TRPC4: variants seen among roughly 807,000 people sequenced by gnomAD.
TRPC4 encodes the protein transient receptor potential cation channel subfamily C member 4.
A neutral mutation model predicts 99.4 loss-of-function variants in TRPC4; 49 were observed. The ratio of observed to expected loss-of-function variants is 0.49; its 90% CI spans 0.39 to 0.63. The LOEUF is 0.63. TRPC4 is among the 20% of genes least tolerant of loss of function. The probability of loss-of-function intolerance (pLI) is 0.00; values close to 1 mark genes in which losing one functional copy is unlikely to be tolerated. For synonymous variants in TRPC4, 454 were observed against 425.9 expected, an observed-to-expected ratio of 1.07 and a Z score of -0.81; for missense variants, 898 against 1,152.9, an observed-to-expected ratio of 0.78 and a Z score of 3.20.
intron 3 of TRPC4, among the ~76,000 whole-genome samples, chr13:37,694,268 G>A (rs1953836134): frequency 1.3e-5 from 2 of 152,244 alleles, no homozygotes; most frequent in South Asian, 4.1e-4. Context: ...GATATAACAA[G>A]CAGTTGCCAT....
chr13:37,695,430 C>A (rs1275439891), intron 3 of TRPC4, among the ~76,000 whole-genome samples: 1 of 152,164 alleles, frequency 6.6e-6, no homozygotes, highest in Non-Finnish European at 1.5e-5. Context: ...CTACAGCCCC[C>A]CTCCTACTCC....
intron 8 of TRPC4, among the ~76,000 whole-genome samples, chr13:37,650,818 G>A (rs1220607314): frequency 1.6e-5 from 2 of 128,416 alleles, no homozygotes; most frequent in African/African-American, 6.2e-5. Flanking sequence ...CTTTGTGCAG[G>A]GACTTTGTTA....
intron 3 of TRPC4, among the ~76,000 whole-genome samples, chr13:37,731,497 T>A (rs1955238512): frequency 1.3e-5 from 2 of 151,892 alleles, no homozygotes; most frequent in African/African-American, 4.8e-5. Context: ...ACCAAAATGA[T>A]AAAAGATGAA....
intron 1 of TRPC4, among the ~76,000 whole-genome samples, chr13:37,823,177 T>C (rs1396517087): frequency 6.7e-6 from 1 of 149,252 alleles, no homozygotes; most frequent in Non-Finnish European, 1.5e-5. Flanking sequence ...ATTAGCCCTT[T>C]GTCAGATGAG....
chr13:37,796,944 T>C (rs1162656485), intron 1 of TRPC4, among the ~76,000 whole-genome samples: 1 of 135,214 alleles, frequency 7.4e-6, no homozygotes, highest in Non-Finnish European at 1.6e-5. Context: ...TAAAATAAAA[T>C]AAAATAAAAT....
intron 3 of TRPC4, among the ~76,000 whole-genome samples, chr13:37,730,642 G>C (rs1412053271): frequency 2.0e-5 from 3 of 151,706 alleles, no homozygotes; most frequent in Non-Finnish European, 4.4e-5. Context: ...AAGTTGGTAG[G>C]CAACCTTGAT....
In TRPC4 at chr13:37,648,266, C is replaced by T. The variant is rs139829566; in HGVS notation, c.2079+2999G>A. On this transcript the variant is annotated intron_variant, in intron 8 of 10. Coordinates refer to ENST00000379705, the MANE Select transcript of TRPC4 (RefSeq NM_016179.4). ...TTTCTTATACTTTTATAAGCAAGAA[C>T]TTCCTTATAAATTATACCTATCATT... is the stretch of plus-strand genomic sequence containing the variant. 2.8e-3 allele frequency among the ~76,000 whole-genome samples: 430 copies of T among 152,218 alleles called. 2 individuals carry two copies. The highest frequency in any genetic ancestry group is 4.5e-3 in the Non-Finnish European group (303 of 68,008).
intron 3 of TRPC4, among the ~76,000 whole-genome samples, chr13:37,723,130 T>C: frequency 6.6e-6 from 1 of 152,160 alleles, no homozygotes; most frequent in South Asian, 2.1e-4. Context: ...CATGGGGAAA[T>C]ATAGGAGAAC....
At position 37,639,035 on chromosome 13, in the gene TRPC4, G is replaced by A; in HGVS notation, c.2211+5C>T. 6.2e-7 allele frequency: 1 copy of A among 1,613,304 alleles called. No individual in the cohort carries two copies. The highest frequency in any genetic ancestry group is 8.5e-7 in the Non-Finnish European group (1 of 1,179,394). On this transcript the variant is annotated splice_donor_5th_base_variant and intron_variant, in intron 10 of 10. Transcript: ENST00000379705. ...GCCTCTTGTGATGAAGATGAAAATG[G>A]TTACCTTAAAGTTCTCTTCGGTCAG... is the stretch of plus-strand genomic sequence containing the variant.
At chr13:37,639,018 T>A in intron 10 of TRPC4, 22 bp downstream of exon 10, 1 of 1,610,494 alleles carries the variant, frequency 6.2e-7, no homozygotes, top group Non-Finnish European at 8.5e-7. Flanking sequence ...CTGCCTCTTG[T>A]GATGAAGATG....
intron 7 of TRPC4, among the ~76,000 whole-genome samples, chr13:37,653,019 C>T (rs1375937414): frequency 1.3e-5 from 2 of 152,082 alleles, no homozygotes; most frequent in African/African-American, 4.8e-5. Context: ...CTTAAGAATC[C>T]TCTCTCCTTA....
At chr13:37,641,894 C>A (rs1262014581) in intron 8 of TRPC4, among the ~76,000 whole-genome samples, 1 of 152,126 alleles carries the variant, frequency 6.6e-6, no homozygotes, top group Admixed American at 6.5e-5. Flanking sequence ...GTCCTCTTTG[C>A]ATTTTTTTCC....
chr13:37,855,019 T>A (rs1310885731), intron 1 of TRPC4: 1 of 151,780 alleles, frequency 6.6e-6, no homozygotes, highest in Non-Finnish European at 1.5e-5. Flanking sequence ...TAGAATAAGC[T>A]TTTCAATCAA....
chr13:37,680,713 T>C (rs1953208592), intron 4 of TRPC4, among the ~76,000 whole-genome samples: 1 of 152,114 alleles, frequency 6.6e-6, no homozygotes, highest in Non-Finnish European at 1.5e-5. Context: ...TTAGAGTTGC[T>C]CTAAAACTGG....
At chr13:37,836,973 C>T (rs1232504613) in intron 1 of TRPC4, among the ~76,000 whole-genome samples, 1 of 152,174 alleles carries the variant, frequency 6.6e-6, no homozygotes, top group Non-Finnish European at 1.5e-5. Flanking sequence ...ACTTTAGTTC[C>T]AGCCACTCCA....
At chr13:37,762,922 T>C (rs1166526534) in intron 2 of TRPC4, among the ~76,000 whole-genome samples, 3 of 151,592 alleles carry the variant, frequency 2.0e-5, no homozygotes, top group Non-Finnish European at 4.4e-5. Flanking sequence ...CAAAAGGGGT[T>C]ATAAAGGATT....
intron 3 of TRPC4, among the ~76,000 whole-genome samples, chr13:37,723,758 T>C (rs1388534724): frequency 1.3e-5 from 2 of 152,138 alleles, no homozygotes; most frequent in East Asian, 3.9e-4. Flanking sequence ...TCTTGCTGTG[T>C]TGCCCAGGCT....
Position 37,635,734 on chromosome 13 carries a change from T to C in TRPC4, c.*1169A>G, listed in dbSNP as rs1001604451. On this transcript the variant is annotated 3_prime_UTR_variant, in exon 11 of 11. Transcript: ENST00000379705. ...TTATGTAAGTTGCGAACACTTTCCT[T>C]GTAATAGTTCAGTGAATTGTTATAA... Among the ~76,000 whole-genome samples, 6 of 152,130 alleles carry C rather than the reference T, an allele frequency of 3.9e-5. No individual in the cohort carries two copies. The highest frequency in any genetic ancestry group is 1.2e-4 in the African/African-American group (5 of 41,440).
intron 1 of TRPC4, among the ~76,000 whole-genome samples, chr13:37,868,825 T>C (rs931719137): frequency 6.6e-6 from 1 of 152,142 alleles, no homozygotes; most frequent in Non-Finnish European, 1.5e-5. Context: ...GCAGACAAGA[T>C]AAGAGATCCC....
Sources: gnomAD v4.1 joint callset for allele counts (sites outside exome capture counted in the v4.1 genomes callset) on GRCh38, gnomAD v4.1.1 for gene constraint, MANE v1.5 for transcripts, NCBI Gene and HGNC (gene_info 2026-07-23, HGNC 2026-07-21) for gene names.